HMCN1: variants seen among roughly 807,000 people sequenced by gnomAD.
The protein encoded by HMCN1 is hemicentin-1.
In HMCN1, 321 loss-of-function variants were observed where a neutral mutation model predicts 625.9. The ratio of observed to expected loss-of-function variants is 0.51; its 90% CI spans 0.47 to 0.56. The LOEUF (loss-of-function observed/expected upper bound fraction) is 0.56, where lower values mean the gene tolerates loss of function less well. Among genes scored for constraint, HMCN1 ranks in the 20% least tolerant of loss-of-function variants. The pLI is 0.00. For synonymous variants in HMCN1, 2,425 were observed against 2,417.6 expected, an observed-to-expected ratio of 1.00 and a Z score of -0.09; for missense variants, 6,588 against 6,887.3, an observed-to-expected ratio of 0.96 and a Z score of 1.54.
chr1:186,119,125 T>A, intron 77 of HMCN1, 66 bp from the exon 78 acceptor site: 3 of 1,177,906 alleles, frequency 2.5e-6, no homozygotes, highest in Non-Finnish European at 3.8e-6. Context: ...CAAAAGAGAG[T>A]CAAATTTTAT....
intron 1 of HMCN1, among the ~76,000 whole-genome samples, chr1:185,814,872 A>C (rs1428548613): frequency 6.7e-6 from 1 of 149,128 alleles, no homozygotes; most frequent in East Asian, 1.9e-4. Flanking sequence ...TTGTATTTTT[A>C]GTAGAGATGG....
At chr1:185,927,440 C>G (rs989973188) in intron 9 of HMCN1, among the ~76,000 whole-genome samples, 4 of 152,204 alleles carry the variant, frequency 2.6e-5, no homozygotes, top group Non-Finnish European at 5.9e-5. Flanking sequence ...CAATGTTTAA[C>G]TAAAGTGAAT....
In HMCN1 at chr1:185,955,334, T is replaced by G. The variant is rs1176549015; in HGVS notation, c.1829-7184T>G. 3.9e-5 allele frequency among the ~76,000 whole-genome samples: 6 copies of G among 152,276 alleles called. No individual in the cohort carries two copies. The South Asian group carries it at 8.3e-4, about 21-fold the overall frequency. On this transcript the variant is annotated intron_variant, in intron 11 of 106. Coordinates refer to ENST00000271588, the MANE Select transcript of HMCN1 (RefSeq NM_031935.3). ...CAAACTAACTCCTACACAATTCTTT[T>G]AACATTTAATCCTGAATTGTATCCT...
At chr1:186,174,726 A>G in intron 103 of HMCN1, 84 bp downstream of exon 103, 1 of 1,200,290 alleles carries the variant, frequency 8.3e-7, no homozygotes, top group South Asian at 1.2e-5. Flanking sequence ...CACTTTCTCT[A>G]TCCTCAAATG....
At chr1:185,754,753 C>A (rs1655027669) in intron 1 of HMCN1, among the ~76,000 whole-genome samples, 1 of 152,032 alleles carries the variant, frequency 6.6e-6, no homozygotes, top group Non-Finnish European at 1.5e-5. Context: ...GAGGCTGAGG[C>A]AGGGTAATTG....
chr1:185,784,803 A>G (rs1264249424), intron 1 of HMCN1, among the ~76,000 whole-genome samples: 1 of 152,142 alleles, frequency 6.6e-6, no homozygotes, highest in Non-Finnish European at 1.5e-5. Flanking sequence ...ACAGATCTTA[A>G]GTGTATGTTT....
chr1:186,129,231 T>C (rs1661799812), intron 83 of HMCN1, among the ~76,000 whole-genome samples: 2 of 151,626 alleles, frequency 1.3e-5, no homozygotes, highest in Non-Finnish European at 2.9e-5. Context: ...GAGGAGAGCA[T>C]GCAAGGTAAA....
At chr1:186,092,005 A>G (rs543692070) in intron 64 of HMCN1, among the ~76,000 whole-genome samples, 1 of 152,068 alleles carries the variant, frequency 6.6e-6, no homozygotes, top group Non-Finnish European at 1.5e-5. Flanking sequence ...TATTTGCCAT[A>G]TTCCAGACCA....
At position 186,150,083 on chromosome 1, in the gene HMCN1, T is replaced by C. The variant is rs538497203; in HGVS notation, c.14609-1117T>C. Among the ~76,000 whole-genome samples the C allele has an allele frequency of 1.9e-4, 29 of 152,168 alleles. No homozygotes were observed. The East Asian group carries it at 3.1e-3, about 16-fold the overall frequency. The stretch of plus-strand genomic sequence containing the variant: ...AAGTGAGCAAAGGCTGTTGCAAAAA[T>C]GGTACCGGTAGACTTTCTCATCACA... On this transcript the variant is annotated intron_variant, in intron 93 of 106. Coordinates refer to ENST00000271588, the MANE Select transcript of HMCN1 (RefSeq NM_031935.3).
chr1:186,021,533 C>A (rs1654722411), intron 35 of HMCN1, among the ~76,000 whole-genome samples: 2 of 151,942 alleles, frequency 1.3e-5, no homozygotes, highest in African/African-American at 4.8e-5. Context: ...AGAGGACTGA[C>A]CTAGTTCGAT....
chr1:186,041,302 T>C (rs960143850), intron 40 of HMCN1, among the ~76,000 whole-genome samples, 166 bp downstream of exon 40: 3 of 152,156 alleles, frequency 2.0e-5, no homozygotes, highest in African/African-American at 4.8e-5. Flanking sequence ...TATCTGACTT[T>C]GGATGATTTT....
chr1:186,157,991 TTCTAGA>T lies in HMCN1; in HGVS notation c.15256+4007_15256+4012del, dbSNP rs1651147268. Among the ~76,000 whole-genome samples, 4 of 151,894 alleles carry T rather than the reference TTCTAGA, an allele frequency of 2.6e-5. No individual in the cohort carries two copies. In the South Asian group the frequency reaches 8.4e-4, roughly 32 times the overall value. Reference sequence around the variant, plus strand: ...TGGCTGGATCAAATGGTATTTCTAGTTCTAGATCCCTGAGGAATCGCCACACTGACT... The same window carrying T: ...TGGCTGGATCAAATGGTATTTCTAGTTCCCTGAGGAATCGCCACACTGACT... On this transcript the variant is annotated intron_variant, in intron 97 of 106. Transcript: ENST00000271588.
At chr1:186,092,319 T>C (rs183664040) in intron 64 of HMCN1, among the ~76,000 whole-genome samples, 1 of 152,014 alleles carries the variant, frequency 6.6e-6, no homozygotes, top group Admixed American at 6.6e-5. Context: ...ATTAAACTCA[T>C]GGAATTAAAA....
chr1:185,859,735 G>A (rs1022502292), intron 2 of HMCN1, among the ~76,000 whole-genome samples: 1 of 151,950 alleles, frequency 6.6e-6, no homozygotes, highest in African/African-American at 2.4e-5. Context: ...GTGCGATCTC[G>A]ATTCACTGCA....
chr1:186,033,521 C>T (rs931557984), intron 36 of HMCN1, among the ~76,000 whole-genome samples: 3 of 151,900 alleles, frequency 2.0e-5, no homozygotes, highest in African/African-American at 4.8e-5. Flanking sequence ...TACTTAATTC[C>T]CAAAACAATG....
chr1:186,084,527 A>G (rs1659357192), intron 57 of HMCN1, among the ~76,000 whole-genome samples: 1 of 152,056 alleles, frequency 6.6e-6, no homozygotes, highest in African/African-American at 2.4e-5. Flanking sequence ...TTTCATGTAA[A>G]ACAATACCAT....
chr1:185,814,312 C>T (rs1422431907), intron 1 of HMCN1, among the ~76,000 whole-genome samples: 1 of 152,082 alleles, frequency 6.6e-6, no homozygotes, highest in East Asian at 1.9e-4. Flanking sequence ...TTTTCTGGAA[C>T]ATCTGTGTAC....
intron 1 of HMCN1, among the ~76,000 whole-genome samples, chr1:185,833,172 C>CA (rs1206987501): frequency 6.6e-6 from 1 of 152,118 alleles, no homozygotes; most frequent in Non-Finnish European, 1.5e-5. Flanking sequence ...ACAGTTGTGC[C>CA]AAGCACAGTG....
intron 1 of HMCN1, among the ~76,000 whole-genome samples, chr1:185,775,920 AC>A: frequency 6.6e-6 from 1 of 152,170 alleles, no homozygotes; most frequent in Non-Finnish European, 1.5e-5. Flanking sequence ...CCTCTGCTGT[AC>A]CCTATGGTAA....
Sources: allele counts gnomAD v4.1 joint callset (sites outside exome capture counted in the v4.1 genomes callset), GRCh38; gene constraint gnomAD v4.1.1; transcripts MANE v1.5; gene names NCBI Gene and HGNC (gene_info 2026-07-23, HGNC 2026-07-21).